The following BARHL1 variants were observed in gnomAD, a reference collection of about 807,000 sequenced individuals.
BARHL1 encodes the protein BarH like homeobox 1.
BARHL1 carries 2 observed loss-of-function variants against 20.1 expected under a neutral mutation model. The ratio of observed to expected loss-of-function variants is 0.10; its 90% CI spans 0.04 to 0.31. BARHL1 has a LOEUF of 0.31. BARHL1 is among the 10% of genes least tolerant of loss of function. The pLI, the probability that BARHL1 is intolerant of heterozygous loss-of-function variation, is 1.00. For missense variants in BARHL1, 397 were observed against 454.0 expected (o/e 0.87, Z 1.14); for synonymous variants, 213 against 209.9 (o/e 1.01, Z -0.13).
intron 1 of BARHL1, among the ~76,000 whole-genome samples, chr9:132,584,121 AGAAGGAAG>A (rs67522848): frequency 0.072 from 10,434 of 144,088 alleles, 437 homozygotes; most frequent in African/African-American, 0.097. Context: ...AAGGAAAGGG[AGAAGGAAG>A]GAAGGAAGGA....
intron 2 of BARHL1, among the ~76,000 whole-genome samples, chr9:132,588,140 G>A (rs1057252827): frequency 5.3e-5 from 8 of 152,156 alleles, no homozygotes; most frequent in Non-Finnish European, 8.8e-5. Flanking sequence ...TTGGGGCACC[G>A]GACTTGAACT....
chr9:132,586,195 GATT>G (rs1830142805), intron 1 of BARHL1, among the ~76,000 whole-genome samples: 1 of 152,240 alleles, frequency 6.6e-6, no homozygotes, highest in African/African-American at 2.4e-5. Flanking sequence ...CAATTAACCG[GATT>G]ATTGTTTCCT....
Position 132,589,581 on chromosome 9 carries a change from C to T in BARHL1, c.*59C>T, listed in dbSNP as rs1830184690. 1 of 1,241,660 alleles carries T rather than the reference C, an allele frequency of 8.1e-7. No individual in the cohort carries two copies. The highest frequency in any genetic ancestry group is 4.3e-5 in the Admixed American group (1 of 23,076). 76.9% of individuals were successfully genotyped at this position (1,241,660 alleles called of 1,614,324 possible). On this transcript the variant is annotated 3_prime_UTR_variant, in exon 3 of 3. Coordinates refer to ENST00000263610, the MANE Select transcript of BARHL1 (RefSeq NM_020064.4). ...GCTCGGCGTGGCCCCTTCCGCCCGC[C>T]TTTCTGAGGGCGCAGGTTCGACGCC... is the stretch of plus-strand genomic sequence containing the variant.
At position 132,582,723 on chromosome 9, in the gene BARHL1, T is replaced by TAGGGGC; in HGVS notation, c.-66_-61dup. On this transcript the variant is annotated 5_prime_UTR_variant, in exon 1 of 3. Coordinates refer to ENST00000263610, the MANE Select transcript of BARHL1 (RefSeq NM_020064.4). ...CGCCTTCCCCATGCCAGCCCGCAGCTAGGGGCAGGGGCAGCGGCGGCTGGG... is the reference window on the plus strand; with the variant it reads ...CGCCTTCCCCATGCCAGCCCGCAGCTAGGGGCAGGGGCAGGGGCAGCGGCGGCTGGG... 7.5e-7 allele frequency: 1 copy of TAGGGGC among 1,337,386 alleles called. No individual in the cohort carries two copies. The highest frequency in any genetic ancestry group is 1.0e-6 in the Non-Finnish European group (1 of 982,478). The allele number at this position is 1,337,386 out of a possible 1,614,324, so 82.8% of individuals were successfully genotyped here.
chr9:132,582,842 C>T lies in BARHL1; in HGVS notation c.45C>T (p.His15=). 2.5e-6 allele frequency: 4 copies of T among 1,608,486 alleles called. No homozygotes were observed. Among genetic ancestry groups the T allele is most frequent in the Non-Finnish European group, 3.4e-6 (4 of 1,177,066 alleles). The part of the protein sequence containing the change: ...NGFGIDSILS[H]RAGSPALPKG... ...TTGGGATCGACTCCATTCTCTCCCA[C>T]CGCGCGGGCAGCCCCGCCCTTCCCA... The change falls in exon 1 of 3, where the codon CAC becomes CAT. Residue 15 remains histidine, a synonymous_variant. Transcript: ENST00000263610.
At chr9:132,585,170 G>A (rs180880282) in intron 1 of BARHL1, among the ~76,000 whole-genome samples, 219 of 152,306 alleles carry the variant, frequency 1.4e-3, no homozygotes, top group Non-Finnish European at 2.0e-3. Context: ...CGCTTAAATA[G>A]GTTTGGAGCG....
At chr9:132,586,630 C>T (rs1830146601) in intron 1 of BARHL1, among the ~76,000 whole-genome samples, 1 of 152,240 alleles carries the variant, frequency 6.6e-6, no homozygotes, top group Non-Finnish European at 1.5e-5. Flanking sequence ...ATGCGCGCTG[C>T]GCCCAAGGGG....
In BARHL1 at chr9:132,582,867, A is replaced by G; in HGVS notation, c.70A>G (p.Lys24Glu). The G allele has an allele frequency of 6.2e-7, 1 of 1,612,640 alleles. No individual in the cohort carries two copies. The highest frequency in any genetic ancestry group is 1.1e-5 in the South Asian group (1 of 91,006). Reference sequence around the variant, plus strand: ...CCGCGCGGGCAGCCCCGCCCTTCCCAAGGGGGACCCCTTGCTCGGGGACTG... The same window carrying G: ...CCGCGCGGGCAGCCCCGCCCTTCCCGAGGGGGACCCCTTGCTCGGGGACTG... ...SHRAGSPALPKGDPLLGDCRS... is the reference protein window; with the variant it reads ...SHRAGSPALPEGDPLLGDCRS... Residue 24 changes from lysine to glutamate, a missense_variant, in exon 1 of 3, where the codon AAG becomes GAG. Transcript: ENST00000263610.
In BARHL1 at chr9:132,587,034, C is replaced by G. The variant is rs1373361289; in HGVS notation, c.467-295C>G. ...CGTTTATCCCTCCAGGGAGCGCGGG[C>G]AGAGCGCCGAGCGCGGCGCAGGGAC... On this transcript the variant is annotated intron_variant, in intron 1 of 2. Transcript: ENST00000263610. This position sits in a 1 kb window ranked among gnomAD's most constrained non-coding sequence, Gnocchi z 5.5. Among the ~76,000 whole-genome samples the G allele has an allele frequency of 6.6e-6, 1 of 152,228 alleles. No individual in the cohort carries two copies. The highest frequency in any genetic ancestry group is 1.5e-5 in the Non-Finnish European group (1 of 68,034).
Position 132,583,090 on chromosome 9 carries a change from T to A in BARHL1, c.293T>A (p.Ile98Asn). 1 of 1,613,888 alleles carries A rather than the reference T, an allele frequency of 6.2e-7. No homozygotes were observed. The highest frequency in any genetic ancestry group is 8.5e-7 in the Non-Finnish European group (1 of 1,179,960). The change falls in exon 1 of 3, where the codon ATC becomes AAC. Residue 98 changes from isoleucine (I) to asparagine (N), a missense_variant. Around this residue, in one of 3 missense-constraint regions of BARHL1, gnomAD observed 272 missense variants for 298.7 expected, o/e 0.91. Transcript: ENST00000263610. ...CGCACCGTCACCTCCTCCTTTCTGA[T>A]CAGGGACATCCTTGCCGACTGCAAA... ...QSRTVTSSFL[I>N]RDILADCKPL...
Position 132,582,843 on chromosome 9 carries a change from C to T in BARHL1, c.46C>T (p.Arg16Cys), listed in dbSNP as rs752993753. The T allele has an allele frequency of 3.7e-6, 6 of 1,608,394 alleles. No homozygotes were observed. The highest frequency in any genetic ancestry group is 1.1e-5 in the South Asian group (1 of 90,832). ...GFGIDSILSH[R>C]AGSPALPKGD... ...TGGGATCGACTCCATTCTCTCCCAC[C>T]GCGCGGGCAGCCCCGCCCTTCCCAA... Residue 16 changes from arginine to cysteine, a missense_variant, in exon 1 of 3, where the codon CGC (arginine) becomes TGC (cysteine). Physicochemically the swap from Arg to Cys is radical, Grantham distance 180 (BLOSUM62 -3). Coordinates refer to ENST00000263610, the MANE Select transcript of BARHL1 (RefSeq NM_020064.4).
rs768228663 is a variant in BARHL1, at chr9:132,582,776, G to A, written c.-22G>A. The stretch of plus-strand genomic sequence containing the variant: ...TGGGGGTGGGTGGGGAGCTTTTGGG[G>A]AGGACAGGTCGCAGCTTGGCTATGG... On this transcript the variant is annotated 5_prime_UTR_variant, in exon 1 of 3. Coordinates refer to ENST00000263610, the MANE Select transcript of BARHL1 (RefSeq NM_020064.4). 8.4e-6 allele frequency: 13 copies of A among 1,553,484 alleles called. No individual in the cohort carries two copies. Among genetic ancestry groups the A allele is most frequent in the Non-Finnish European group, 1.1e-5 (13 of 1,142,976 alleles).
At position 132,582,789 on chromosome 9, in the gene BARHL1, A is replaced by G. The variant is rs1830088351; in HGVS notation, c.-9A>G. The G allele has an allele frequency of 1.3e-6, 2 of 1,571,938 alleles. No individual in the cohort carries two copies. The highest frequency in any genetic ancestry group is 2.7e-5 in the African/African-American group (2 of 74,376). ...GGAGCTTTTGGGGAGGACAGGTCGC[A>G]GCTTGGCTATGGAAGGCTCCAATGG... On this transcript the variant is annotated 5_prime_UTR_variant, in exon 1 of 3. Transcript: ENST00000263610.
Position 132,583,063 on chromosome 9 carries a change from C to G in BARHL1, c.266C>G (p.Ser89Trp), listed in dbSNP as rs1283687116. Residue 89 changes from serine (S) to tryptophan (W), a missense_variant, in exon 1 of 3, where the codon TCG becomes TGG. By Grantham distance (177) the Ser-to-Trp change is radical. Coordinates refer to ENST00000263610, the MANE Select transcript of BARHL1 (RefSeq NM_020064.4). Reference protein sequence around the residue: ...QPGQLSAPAQSRTVTSSFLIR... With the variant: ...QPGQLSAPAQWRTVTSSFLIR... ...GGGCAGCTCTCAGCCCCGGCCCAGTCGCGCACCGTCACCTCCTCCTTTCTG... is the reference window on the plus strand; with the variant it reads ...GGGCAGCTCTCAGCCCCGGCCCAGTGGCGCACCGTCACCTCCTCCTTTCTG... 6.2e-7 allele frequency: 1 copy of G among 1,613,922 alleles called. No homozygotes were observed. The highest frequency in any genetic ancestry group is 2.2e-5 in the East Asian group (1 of 44,870).
Position 132,585,827 on chromosome 9 carries a change from C to A in BARHL1, c.467-1502C>A, listed in dbSNP as rs73560839. Among the ~76,000 whole-genome samples, 386 of 152,364 alleles carry A rather than the reference C, an allele frequency of 2.5e-3. 5 individuals are homozygous for A. Among genetic ancestry groups the A allele is most frequent in the African/African-American group, 9.0e-3 (373 of 41,576 alleles). ...ACCTCCCGACCTCCAACGCAGACCT[C>A]GTCCCTGAGAAGCGGGGGATTTTCA... On this transcript the variant is annotated intron_variant, in intron 1 of 2. Transcript: ENST00000263610.
At position 132,589,279 on chromosome 9, in the gene BARHL1, A is replaced by G. The variant is rs1413934086; in HGVS notation, c.741A>G (p.Ala247=). 6.2e-7 allele frequency: 1 copy of G among 1,613,164 alleles called. No individual in the cohort carries two copies. ...TCGGGTTGGAGCTGCTGGCGGAGGC[A>G]GGCAATTACTCAGCGCTCCAGCGGA... ...TAVGLELLAE[A]GNYSALQRMF... The change falls in exon 3 of 3, where the codon GCA becomes GCG. Residue 247 remains alanine, a synonymous_variant. Transcript: ENST00000263610.
Position 132,582,731 on chromosome 9 carries a change from G to A in BARHL1, c.-67G>A. Reference sequence around the variant, plus strand: ...CCATGCCAGCCCGCAGCTAGGGGCAGGGGCAGCGGCGGCTGGGGTTGGGGG... The same window carrying A: ...CCATGCCAGCCCGCAGCTAGGGGCAAGGGCAGCGGCGGCTGGGGTTGGGGG... On this transcript the variant is annotated 5_prime_UTR_variant, in exon 1 of 3. Transcript: ENST00000263610. 7.2e-7 allele frequency: 1 copy of A among 1,379,402 alleles called. No individual in the cohort carries two copies. The highest frequency in any genetic ancestry group is 9.8e-7 in the Non-Finnish European group (1 of 1,015,658). The allele number at this position is 1,379,402 out of a possible 1,614,324, so 85.4% of individuals were successfully genotyped here. A position where few individuals can be genotyped will look rare whatever the true frequency, so the allele number is the denominator to read the frequency against.
In BARHL1 at chr9:132,587,297, G is replaced by C; in HGVS notation, c.467-32G>C. 3 of 1,557,898 alleles carry C rather than the reference G, an allele frequency of 1.9e-6. No individual in the cohort carries two copies. The highest frequency in any genetic ancestry group is 1.7e-6 in the Non-Finnish European group (2 of 1,152,114). On this transcript the variant is annotated intron_variant, in intron 1 of 2. Transcript: ENST00000263610. The surrounding 1 kb of genome is among the most constrained non-coding windows in gnomAD (Gnocchi z 5.5). ...GGGAGGGCACCGGCGGCGGCTGCGA[G>C]GCCGGGCCCTGACATGCCGCTGTGT... is the stretch of plus-strand genomic sequence containing the variant.
chr9:132,582,858 G>A lies in BARHL1; in HGVS notation c.61G>A (p.Ala21Thr), dbSNP rs1388115023. The A allele has an allele frequency of 6.2e-7, 1 of 1,610,804 alleles. No individual in the cohort carries two copies. Residue 21 changes from alanine (A) to threonine (T), a missense_variant, in exon 1 of 3, where the codon GCC becomes ACC. Transcript: ENST00000263610. ...TCTCTCCCACCGCGCGGGCAGCCCC[G>A]CCCTTCCCAAGGGGGACCCCTTGCT... is the stretch of plus-strand genomic sequence containing the variant. The part of the protein sequence containing the change: ...SILSHRAGSP[A>T]LPKGDPLLGD...
Sources: gnomAD v4.1 joint callset for allele counts (sites outside exome capture counted in the v4.1 genomes callset) on GRCh38, gnomAD v4.1.1 for gene constraint, gnomAD v4.1.1 regional missense constraint, Gnocchi (gnomAD v3.1) non-coding constraint, MANE v1.5 for transcripts, NCBI Gene and HGNC (gene_info 2026-07-23, HGNC 2026-07-21) for gene names.